The following CYP2S1 variants were observed in gnomAD, a reference collection of about 807,000 sequenced individuals.
CYP2S1 encodes cytochrome P450 2S1.
Under a neutral mutation model 43.5 loss-of-function variants are expected in CYP2S1, and 32 were observed. The ratio of observed to expected loss-of-function variants is 0.74; its 90% confidence interval spans 0.56 to 0.99. CYP2S1 has a LOEUF of 0.99. Ranked by LOEUF, CYP2S1 falls within the 50% of genes least tolerant of loss-of-function variation. The probability of loss-of-function intolerance (pLI) is 0.00; values close to 1 mark genes in which losing one functional copy is unlikely to be tolerated. For synonymous variants in CYP2S1, 283 were observed against 302.9 expected, an observed-to-expected ratio of 0.93 and a Z score of 0.68; for missense variants, 575 against 673.9, an observed-to-expected ratio of 0.85 and a Z score of 1.62.
intron 2 of CYP2S1, among the ~76,000 whole-genome samples, 159 bp downstream of exon 2, chr19:41,194,868 C>A (rs191373838): frequency 1.3e-5 from 2 of 152,068 alleles, no homozygotes; most frequent in African/African-American, 4.8e-5. Flanking sequence ...GAAATCCCAA[C>A]ACTTTGGGAG....
rs942273064 is a variant in CYP2S1 at position 41,193,338 on chromosome 19, G to A, written c.74G>A (p.Gly25Glu). ...CTGCTGCTGACGCTGGCGCTGTCCG[G>A]GACCAGGGCCCGAGGCCACCTGCCC... Reference protein sequence around the residue: ...LLLLLTLALSGTRARGHLPPG... With the variant: ...LLLLLTLALSETRARGHLPPG... Residue 25 changes from glycine to glutamate, a missense_variant, in exon 1 of 9, where the codon GGG (glycine) becomes GAG (glutamate). By Grantham distance (98) the Gly-to-Glu change is moderately conservative (BLOSUM62 -2). Coordinates refer to ENST00000310054, the MANE Select transcript of CYP2S1 (RefSeq NM_030622.8). 3.3e-6 allele frequency: 5 copies of A among 1,538,148 alleles called. No individual in the cohort carries two copies. Among genetic ancestry groups the A allele is most frequent in the Non-Finnish European group, 4.4e-6 (5 of 1,142,666 alleles).
In CYP2S1 at chr19:41,206,755, A is replaced by C. The variant is rs1464259541; in HGVS notation, c.*267A>C. On this transcript the variant is annotated 3_prime_UTR_variant, in exon 9 of 9. Transcript: ENST00000310054. ...ACAGACATAAATATAGTCCATCTGC[A>C]ATCACAAGCACATAGCCAGGTAACC... 2 of 692,216 alleles carry C rather than the reference A, an allele frequency of 2.9e-6. No homozygotes were observed. Among genetic ancestry groups the C allele is most frequent in the Admixed American group, 3.7e-5 (2 of 54,528 alleles). The allele number at this position is 692,216 out of a possible 1,614,324, so 42.9% of individuals were successfully genotyped here.
chr19:41,194,172 C>T lies in CYP2S1; in HGVS notation c.178-372C>T, dbSNP rs1690701887. Among the ~76,000 whole-genome samples, 4 of 151,682 alleles carry T rather than the reference C, an allele frequency of 2.6e-5. No homozygotes were observed. In the South Asian group the frequency reaches 8.3e-4, roughly 32 times the overall value. The stretch of plus-strand genomic sequence containing the variant: ...GGCGGATACTCAGCAGTGTCTGCTC[C>T]AGAATTTCAGGGTTTTGTGGTGACT... On this transcript the variant is annotated intron_variant, in intron 1 of 8. Coordinates refer to ENST00000310054, the MANE Select transcript of CYP2S1 (RefSeq NM_030622.8).
In CYP2S1 at chr19:41,206,238, G is replaced by A. The variant is rs752341602; in HGVS notation, c.1307-42G>A. The A allele has an allele frequency of 2.5e-6, 4 of 1,612,044 alleles. No individual in the cohort carries two copies. The African/African-American group carries it at 5.4e-5, about 22-fold the overall frequency. ...GTTCCCCCCGTGGGCCTGGGTGTGA[G>A]GAATACTGACTCAGCCCTCTCTCTC... On this transcript the variant is annotated intron_variant, in intron 8 of 8. Coordinates refer to ENST00000310054, the MANE Select transcript of CYP2S1 (RefSeq NM_030622.8).
chr19:41,203,595 C>G lies in CYP2S1; in HGVS notation c.1122C>G (p.Thr374=). ...LALVPMGIPR[T]LMRTTRFRGY... ...TGGTGCCCATGGGAATACCCCGCACCCTCATGCGGACCACCCGCTTCCGAG... is the reference window on the plus strand; with the variant it reads ...TGGTGCCCATGGGAATACCCCGCACGCTCATGCGGACCACCCGCTTCCGAG... Residue 374 remains threonine, a synonymous_variant, in exon 7 of 9, where the codon ACC becomes ACG. Coordinates refer to ENST00000310054, the MANE Select transcript of CYP2S1 (RefSeq NM_030622.8). The G allele has an allele frequency of 6.4e-7, 1 of 1,555,652 alleles. No homozygotes were observed. Among genetic ancestry groups the G allele is most frequent in the Non-Finnish European group, 8.7e-7 (1 of 1,150,046 alleles).
At chr19:41,197,260 A>G (rs1011348101) in intron 2 of CYP2S1, among the ~76,000 whole-genome samples, 1 of 152,138 alleles carries the variant, frequency 6.6e-6, no homozygotes, top group African/African-American at 2.4e-5. Context: ...TTTCAGGAGA[A>G]TGTACTCCCT....
In CYP2S1 at chr19:41,197,862, C is replaced by T. The variant is rs763292229; in HGVS notation, c.427C>T (p.Arg143Ter). Residue 143 changes from arginine (R) to a stop codon, truncating the protein, a stop_gained, in exon 3 of 9, where the codon CGA (arginine) becomes TGA (stop). Coordinates refer to ENST00000310054, the MANE Select transcript of CYP2S1 (RefSeq NM_030622.8). LOFTEE classifies it high-confidence loss of function. ...TCTGCGGGACCTGGGCATGGGGAAGCGAGAAGGCGAGGAGCTGATCCAGGC... is the reference window on the plus strand; with the variant it reads ...TCTGCGGGACCTGGGCATGGGGAAGTGAGAAGGCGAGGAGCTGATCCAGGC... ...LALRDLGMGK[R>*]EGEELIQAEA... The T allele has an allele frequency of 2.2e-5, 35 of 1,613,956 alleles. No individual in the cohort carries two copies. Among genetic ancestry groups the T allele is most frequent in the Non-Finnish European group, 2.5e-5 (30 of 1,180,034 alleles).
At chr19:41,199,332 AAAGTCCACTTT>A (rs2033458530) in intron 5 of CYP2S1, among the ~76,000 whole-genome samples, 2 of 152,148 alleles carry the variant, frequency 1.3e-5, no homozygotes, top group African/African-American at 4.8e-5. Context: ...TTATGTTAAT[AAAGTCCACTTT>A]ATTAATTATA....
chr19:41,202,304 G>A (rs1042403099), intron 6 of CYP2S1, among the ~76,000 whole-genome samples: 6 of 152,070 alleles, frequency 3.9e-5, no homozygotes, highest in Admixed American at 6.6e-5. Flanking sequence ...TAGCATTTTC[G>A]GGTCAGGCAG....
At chr19:41,205,338 C>CTT (rs762223832) in intron 7 of CYP2S1, among the ~76,000 whole-genome samples, 4 of 132,180 alleles carry the variant, frequency 3.0e-5, no homozygotes, top group South Asian at 2.6e-4. Context: ...TTCTTTCTTT[C>CTT]TTTTTTTCTT....
intron 7 of CYP2S1, 98 bp downstream of exon 7, chr19:41,203,735 G>A (rs1238563161): frequency 8.0e-7 from 1 of 1,255,646 alleles, no homozygotes; most frequent in Admixed American, 3.1e-5. Flanking sequence ...CTTGATCTTA[G>A]TGTCTCTCTC....
At position 41,206,890 on chromosome 19, in the gene CYP2S1, G is replaced by C. The variant is rs911536254; in HGVS notation, c.*402G>C. 1 of 422,788 alleles carries C rather than the reference G, an allele frequency of 2.4e-6. No homozygotes were observed. The highest frequency in any genetic ancestry group is 7.0e-5 in the East Asian group (1 of 14,238). The allele number at this position is 422,788 out of a possible 1,614,324, so 26.2% of individuals were successfully genotyped here. On this transcript the variant is annotated 3_prime_UTR_variant, in exon 9 of 9. Coordinates refer to ENST00000310054, the MANE Select transcript of CYP2S1 (RefSeq NM_030622.8). ...AGCTCACACGCCCTCTCCATTCATC[G>C]AACTTCTCAGTGTCCCTGTCCCTGG...
Position 41,197,923 on chromosome 19 carries a change from C to T in CYP2S1, c.488C>T (p.Thr163Ile). The T allele has an allele frequency of 1.2e-6, 2 of 1,611,868 alleles. No individual in the cohort carries two copies. The highest frequency in any genetic ancestry group is 1.7e-6 in the Non-Finnish European group (2 of 1,179,256). Residue 163 changes from threonine to isoleucine, a missense_variant, in exon 3 of 9, where the codon ACA becomes ATA. Transcript: ENST00000310054. ...TGTCTGGTGGAGACATTCCAGGGGA[C>T]AGAAGGTCAGCATGGCGGGGTCACC... ...ARCLVETFQG[T>I]EGRPFDPSLL...
In CYP2S1 at chr19:41,201,283, T is replaced by A; in HGVS notation, c.887T>A (p.Val296Asp). 6.2e-7 allele frequency: 1 copy of A among 1,614,096 alleles called. No individual in the cohort carries two copies. The highest frequency in any genetic ancestry group is 1.1e-5 in the South Asian group (1 of 91,086). ...ACCAACAAGAACATGCTGATGACAGTCATTTATTTGCTGTTTGCTGGGACG... is the reference window on the plus strand; with the variant it reads ...ACCAACAAGAACATGCTGATGACAGACATTTATTTGCTGTTTGCTGGGACG... ...EFTNKNMLMTVIYLLFAGTMT... is the reference protein window; with the variant it reads ...EFTNKNMLMTDIYLLFAGTMT... Residue 296 changes from valine (V) to aspartate (D), a missense_variant, in exon 6 of 9, where the codon GTC becomes GAC. Physicochemically the swap from Val to Asp is radical, Grantham distance 152. This residue lies in a region of CYP2S1 where 222 missense variants were observed against 306.3 expected (regional missense o/e 0.72). Transcript: ENST00000310054.
At position 41,198,980 on chromosome 19, in the gene CYP2S1, C is replaced by A; in HGVS notation, c.834+92C>A. 1 of 1,453,434 alleles carries A rather than the reference C, an allele frequency of 6.9e-7. No homozygotes were observed. The highest frequency in any genetic ancestry group is 1.3e-5 in the South Asian group (1 of 74,996). 90.0% of individuals were successfully genotyped at this position (1,453,434 alleles called of 1,614,324 possible). On this transcript the variant is annotated intron_variant, in intron 5 of 8. Transcript: ENST00000310054. The surrounding 1 kb of genome is among the most constrained non-coding windows in gnomAD (Gnocchi z 4.9). ...TGTCCCTGGGGACCTCAATTGGGTTCCTCTCTCTTTCTCTCTCTGCATGTC... is the reference window on the plus strand; with the variant it reads ...TGTCCCTGGGGACCTCAATTGGGTTACTCTCTCTTTCTCTCTCTGCATGTC...
At chr19:41,194,855 C>T (rs2033391612) in intron 2 of CYP2S1, 146 bp downstream of exon 2, 2 of 1,239,232 alleles carry the variant, frequency 1.6e-6, no homozygotes, top group Admixed American at 7.4e-5. Context: ...GTGGCTAGTG[C>T]CTGAAATCCC....
At chr19:41,206,181 C>G in intron 8 of CYP2S1, 82 bp downstream of exon 8, 2 of 1,608,314 alleles carry the variant, frequency 1.2e-6, no homozygotes, top group Non-Finnish European at 1.7e-6. Context: ...CCCTTCTGCA[C>G]CCTGGGCTTA....
Position 41,198,790 on chromosome 19 carries a change from G to A in CYP2S1, c.736G>A (p.Ala246Thr). The A allele has an allele frequency of 1.9e-6, 3 of 1,614,194 alleles. No homozygotes were observed. The highest frequency in any genetic ancestry group is 1.1e-5 in the South Asian group (1 of 91,084). The change falls in exon 5 of 9, where the codon GCC (alanine) becomes ACC (threonine). Residue 246 changes from alanine to threonine, a missense_variant. Around this residue, in one of 2 missense-constraint regions of CYP2S1, gnomAD observed 353 missense variants for 367.6 expected, o/e 0.96. Transcript: ENST00000310054. The surrounding 1 kb of genome is among the most constrained non-coding windows in gnomAD (Gnocchi z 4.9). ...CCTCCACCACGTCAGCACCTTGGCT[G>A]CCTTCACAGTCCGGCAGGTGCAGCA... The part of the protein sequence containing the change: ...QLLHHVSTLA[A>T]FTVRQVQQHQ...
chr19:41,205,421 T>TTG (rs2033559918), intron 7 of CYP2S1, among the ~76,000 whole-genome samples: 1 of 36,518 alleles, frequency 2.7e-5, no homozygotes, highest in African/African-American at 3.6e-4. Flanking sequence ...TCTTTCTTTC[T>TTG]CTCTCTCTCT....
Sources: allele counts gnomAD v4.1 joint callset (sites outside exome capture counted in the v4.1 genomes callset), GRCh38; gene constraint gnomAD v4.1.1; regional missense constraint gnomAD v4.1.1; non-coding constraint Gnocchi (gnomAD v3.1); transcripts MANE v1.5; gene names NCBI Gene and HGNC (gene_info 2026-07-23, HGNC 2026-07-21).